Variants in NCOA3 observed in about 807,000 individuals in gnomAD.
NCOA3 encodes the protein CBP-interacting protein.
A neutral mutation model predicts 158.8 loss-of-function variants in NCOA3; 51 were observed. The ratio of observed to expected loss-of-function variants is 0.32; its 90% CI spans 0.26 to 0.41. The LOEUF (loss-of-function observed/expected upper bound fraction) is 0.41. NCOA3 is among the 10% of genes least tolerant of loss of function. NCOA3 has a pLI of 1.00. For synonymous variants in NCOA3, 537 were observed against 592.4 expected, an observed-to-expected ratio of 0.91 and a Z score of 1.36; for missense variants, 1,510 against 1,746.6, an observed-to-expected ratio of 0.86 and a Z score of 2.41.
chr20:47,530,330 C>T (rs1425311471), intron 1 of NCOA3, among the ~76,000 whole-genome samples: 1 of 151,780 alleles, frequency 6.6e-6, no homozygotes, highest in Non-Finnish European at 1.5e-5. Flanking sequence ...GGGTTTTATA[C>T]ATACAGAAGA....
In NCOA3 at chr20:47,655,326, C is replaced by G. The variant is rs1450042004; in HGVS notation, c.*1909C>G. The G allele has an allele frequency of 6.6e-6, 1 of 152,178 alleles. No individual in the cohort carries two copies. The highest frequency in any genetic ancestry group is 2.4e-5 in the African/African-American group (1 of 41,438). 9.4% of individuals were successfully genotyped at this position (152,178 alleles called of 1,614,324 possible). A position where few individuals can be genotyped will look rare whatever the true frequency, so the allele number is the denominator to read the frequency against. On this transcript the variant is annotated 3_prime_UTR_variant, in exon 23 of 23. Coordinates refer to ENST00000371998, the MANE Select transcript of NCOA3 (RefSeq NM_181659.3). Reference sequence around the variant, plus strand: ...GAATGTCTGTGAATTTCAGAGGTCTCTGCTAGCCTTGGTATCATTTTCTAG... The same window carrying G: ...GAATGTCTGTGAATTTCAGAGGTCTGTGCTAGCCTTGGTATCATTTTCTAG...
At chr20:47,608,784 A>G (rs1481499722) in intron 2 of NCOA3, among the ~76,000 whole-genome samples, 1 of 152,160 alleles carries the variant, frequency 6.6e-6, no homozygotes, top group Non-Finnish European at 1.5e-5. Flanking sequence ...AAGGCTTGAA[A>G]TCTAGTGAAT....
rs1401596584 is a variant in NCOA3, at chr20:47,592,603, G to A, written c.-20+9342G>A. 5.9e-5 allele frequency among the ~76,000 whole-genome samples: 9 copies of A among 152,188 alleles called. No individual in the cohort carries two copies. The East Asian group carries it at 1.7e-3, about 29-fold the overall frequency. Reference sequence around the variant, plus strand: ...AAAGTTATATACCTAGTTTGTGGCAGAACTGAAATTAGAACCTAACTTGAT... The same window carrying A: ...AAAGTTATATACCTAGTTTGTGGCAAAACTGAAATTAGAACCTAACTTGAT... On this transcript the variant is annotated intron_variant, in intron 2 of 22. Coordinates refer to ENST00000371998, the MANE Select transcript of NCOA3 (RefSeq NM_181659.3).
At chr20:47,597,483 T>C (rs1312728881) in intron 2 of NCOA3, among the ~76,000 whole-genome samples, 1 of 123,496 alleles carries the variant, frequency 8.1e-6, no homozygotes, top group Non-Finnish European at 1.7e-5. Flanking sequence ...TAACCTGTGC[T>C]TTTTTTTTTT....
rs755173294 is a variant in NCOA3 at position 47,542,009 on chromosome 20, G to GTTTTTTTTTTTTTTTTTTTTTTTTT, written c.-99+40011_-99+40012insTTTTTTTTTTTTTTTTTTTTTTTTT. On this transcript the variant is annotated intron_variant, in intron 1 of 22. Transcript: ENST00000371998. ...ATCAAATTATTTTTTGCCCTGTAGA[G>GTTTTTTTTTTTTTTTTTTTTTTTTT]TTTTTTTTTTTTTTTTTTTTTGTTG... is the stretch of plus-strand genomic sequence containing the variant. 3.9e-4 allele frequency among the ~76,000 whole-genome samples: 22 copies of GTTTTTTTTTTTTTTTTTTTTTTTTT among 56,348 alleles called. 1 individual carries two copies. Among genetic ancestry groups the GTTTTTTTTTTTTTTTTTTTTTTTTT allele is most frequent in the Non-Finnish European group, 5.2e-4 (15 of 28,694 alleles). 37.0% of individuals were successfully genotyped at this position (56,348 alleles called of 152,430 possible). A position where few individuals can be genotyped will look rare whatever the true frequency, so the allele number is the denominator to read the frequency against.
chr20:47,644,372 C>A (rs575559666), intron 17 of NCOA3, among the ~76,000 whole-genome samples: 2 of 152,272 alleles, frequency 1.3e-5, no homozygotes, highest in African/African-American at 2.4e-5. Context: ...ATCCCCTGAC[C>A]TCATGATCCA....
intron 1 of NCOA3, among the ~76,000 whole-genome samples, chr20:47,552,389 T>C (rs2084939182): frequency 6.6e-6 from 1 of 152,234 alleles, no homozygotes; most frequent in Non-Finnish European, 1.5e-5. Context: ...TTTGAAGATA[T>C]CTAAACATAT....
At chr20:47,528,819 G>A (rs150746164) in intron 1 of NCOA3, among the ~76,000 whole-genome samples, 209 of 152,176 alleles carry the variant, frequency 1.4e-3, no homozygotes, top group African/African-American at 4.8e-3. Context: ...TGTTGCCCAG[G>A]CTGAAGTGCA....
intron 16 of NCOA3, among the ~76,000 whole-genome samples, chr20:47,641,490 CTTT>C (rs71183270): frequency 6.8e-4 from 33 of 48,364 alleles, no homozygotes; most frequent in African/African-American, 2.6e-3. Flanking sequence ...TGGCTCCCTT[CTTT>C]TTTTTTTTTT....
At chr20:47,604,979 G>C (rs1455117445) in intron 2 of NCOA3, among the ~76,000 whole-genome samples, 1 of 151,976 alleles carries the variant, frequency 6.6e-6, no homozygotes, top group Admixed American at 6.6e-5. Flanking sequence ...TGATTCTCCT[G>C]CCCTCAGCCT....
At chr20:47,624,221 T>A in intron 4 of NCOA3, 138 bp downstream of exon 4, 1 of 642,074 alleles carries the variant, frequency 1.6e-6, no homozygotes, top group Non-Finnish European at 2.7e-6. Context: ...CACATTACGT[T>A]TGTGGTGCAT....
rs2084363320 is a variant in NCOA3, at chr20:47,522,711, A to G, written c.-99+20692A>G. Among the ~76,000 whole-genome samples the G allele has an allele frequency of 2.0e-5, 3 of 151,944 alleles. No individual in the cohort carries two copies. In the South Asian group the frequency reaches 6.2e-4, roughly 31 times the overall value. ...ATGCAGGGGCGCTATGATGTTCTAC[A>G]CACGTGGGGATATGTGGGGGAGGCC... is the stretch of plus-strand genomic sequence containing the variant. On this transcript the variant is annotated intron_variant, in intron 1 of 22. Transcript: ENST00000371998.
chr20:47,521,408 G>A (rs545572309), intron 1 of NCOA3, among the ~76,000 whole-genome samples: 4 of 152,206 alleles, frequency 2.6e-5, no homozygotes, highest in African/African-American at 9.6e-5. Flanking sequence ...CACAGATGGA[G>A]CAATGGTGAG....
intron 1 of NCOA3, among the ~76,000 whole-genome samples, chr20:47,582,388 T>G (rs2085467504): frequency 6.6e-6 from 1 of 152,160 alleles, no homozygotes; most frequent in South Asian, 2.1e-4. Flanking sequence ...ATTTTTTGTA[T>G]TTTTAGTAGA....
chr20:47,505,010 T>TTTTTTG (rs2084006589), intron 1 of NCOA3, among the ~76,000 whole-genome samples: 1 of 101,272 alleles, frequency 9.9e-6, no homozygotes, highest in Non-Finnish European at 2.2e-5. Flanking sequence ...TTGGTTTTTT[T>TTTTTTG]TTTTTTTTTT....
chr20:47,530,321 G>T (rs1390404027), intron 1 of NCOA3, among the ~76,000 whole-genome samples: 1 of 151,758 alleles, frequency 6.6e-6, no homozygotes, highest in African/African-American at 2.4e-5. Flanking sequence ...AATTTTACAG[G>T]GTTTTATACA....
intron 13 of NCOA3, 82 bp from the exon 14 acceptor site, chr20:47,638,926 G>A (rs1283682387): frequency 1.9e-6 from 2 of 1,056,440 alleles, no homozygotes; most frequent in Non-Finnish European, 2.7e-6. Flanking sequence ...TCTTGGGTGG[G>A]GAGTGGTGGT....
Position 47,640,057 on chromosome 20 carries a change from G to T in NCOA3, c.3080+6G>T, listed in dbSNP as rs534171269. The T allele has an allele frequency of 1.9e-6, 3 of 1,614,104 alleles. No homozygotes were observed. The highest frequency in any genetic ancestry group is 2.5e-6 in the Non-Finnish European group (3 of 1,180,008). ...TCTCATGGCACTCAAAATAGGTGGG[G>T]TGTTATTTTGTGACTCTGTAGAAAA... On this transcript the variant is annotated splice_donor_region_variant and intron_variant, in intron 16 of 22. Transcript: ENST00000371998.
intron 2 of NCOA3, among the ~76,000 whole-genome samples, chr20:47,588,068 C>G (rs536546143): frequency 6.6e-6 from 1 of 151,356 alleles, no homozygotes; most frequent in Non-Finnish European, 1.5e-5. Flanking sequence ...TACCCAAGAC[C>G]GAGAGTAAAC....
Sources: allele counts gnomAD v4.1 joint callset (sites outside exome capture counted in the v4.1 genomes callset), GRCh38; gene constraint gnomAD v4.1.1; transcripts MANE v1.5; gene names NCBI Gene and HGNC (gene_info 2026-07-23, HGNC 2026-07-21).